TPD52L1: variants seen among roughly 807,000 people sequenced by gnomAD.
TPD52L1 encodes the protein TPD52 like 1, also known as tumor protein D53.
A neutral mutation model predicts 28.7 loss-of-function variants in TPD52L1; 18 were observed. The observed-to-expected ratio is 0.63, with a 90% CI of 0.43 to 0.93. The LOEUF (loss-of-function observed/expected upper bound fraction) is 0.93, where lower values mean the gene tolerates loss of function less well. TPD52L1 is among the 40% of genes least tolerant of loss of function. TPD52L1 has a pLI of 0.00. For synonymous variants in TPD52L1, 75 were observed against 88.8 expected, an observed-to-expected ratio of 0.84 and a Z score of 0.88; for missense variants, 203 against 254.8, an observed-to-expected ratio of 0.80 and a Z score of 1.39.
At chr6:125,172,145 TTTCTTTCTTTCTTTTC>T (rs1391540010) in intron 1 of TPD52L1, among the ~76,000 whole-genome samples, 992 of 78,686 alleles carry the variant, frequency 0.013, 4 homozygotes, top group East Asian at 0.024. Context: ...TCTTTCTTTC[TTTCTTTCTTTCTTTTC>T]TTTCTTTCTT....
At chr6:125,163,267 A>C (rs555863928) in intron 1 of TPD52L1, among the ~76,000 whole-genome samples, 3 of 152,308 alleles carry the variant, frequency 2.0e-5, no homozygotes, top group South Asian at 4.1e-4. Context: ...GTTTTTACAA[A>C]TGTCAAATAC....
chr6:125,188,994 T>C (rs1408648271), intron 1 of TPD52L1, among the ~76,000 whole-genome samples: 1 of 152,234 alleles, frequency 6.6e-6, no homozygotes, highest in Non-Finnish European at 1.5e-5. Flanking sequence ...TAGCTTAAGC[T>C]AGAGGCAAAT....
chr6:125,154,457 A>G, intron 1 of TPD52L1: 1 of 986,356 alleles, frequency 1.0e-6, no homozygotes, highest in Non-Finnish European at 1.2e-6. Context: ...GCTGCGCGAG[A>G]CGCTTCCCGC....
At chr6:125,154,367 A>T in intron 1 of TPD52L1, 1 of 1,019,792 alleles carries the variant, frequency 9.8e-7, no homozygotes, top group Non-Finnish European at 1.2e-6. Context: ...CTTTTCGCCC[A>T]GCGCCGTGGA....
chr6:125,177,642 C>T (rs575866317), intron 1 of TPD52L1, among the ~76,000 whole-genome samples: 2 of 152,234 alleles, frequency 1.3e-5, no homozygotes, highest in South Asian at 4.2e-4. Context: ...AGTTATTCAT[C>T]CATATGTCTT....
chr6:125,253,963 T>G, intron 5 of TPD52L1: 1 of 750,920 alleles, frequency 1.3e-6, no homozygotes, highest in Non-Finnish European at 2.4e-6. Flanking sequence ...CTTTCCTGTG[T>G]GATCCAAGAC....
chr6:125,205,828 G>A (rs1794089408), intron 1 of TPD52L1, among the ~76,000 whole-genome samples: 1 of 152,184 alleles, frequency 6.6e-6, no homozygotes, highest in Non-Finnish European at 1.5e-5. Context: ...GGAAGAATGA[G>A]AAAGGGAAGG....
At chr6:125,211,942 A>G (rs1259111470) in intron 1 of TPD52L1, among the ~76,000 whole-genome samples, 3 of 152,252 alleles carry the variant, frequency 2.0e-5, no homozygotes, top group African/African-American at 7.2e-5. Context: ...AGAAAGTACA[A>G]TTCTAATAAA....
intron 1 of TPD52L1, among the ~76,000 whole-genome samples, chr6:125,205,641 G>T (rs74956947): frequency 1.3e-5 from 2 of 152,302 alleles, no homozygotes; most frequent in Non-Finnish European, 2.9e-5. Flanking sequence ...GCTCCTGGAA[G>T]ATTCTCCACC....
chr6:125,189,596 T>G (rs1265207610), intron 1 of TPD52L1, among the ~76,000 whole-genome samples: 1 of 152,208 alleles, frequency 6.6e-6, no homozygotes, highest in Non-Finnish European at 1.5e-5. Context: ...TTTTTTAACC[T>G]AACTTATTTT....
chr6:125,192,448 T>C (rs530227983), intron 1 of TPD52L1, among the ~76,000 whole-genome samples: 1 of 152,212 alleles, frequency 6.6e-6, no homozygotes, highest in South Asian at 2.1e-4. Context: ...ATTCATACTA[T>C]GTTCTTTTAA....
intron 3 of TPD52L1, among the ~76,000 whole-genome samples, chr6:125,245,989 A>C (rs1162841937): frequency 6.6e-6 from 1 of 152,118 alleles, no homozygotes; most frequent in Non-Finnish European, 1.5e-5. Flanking sequence ...ATTATTATAA[A>C]ATTCAGTTGG....
chr6:125,176,495 C>A (rs954959517), intron 1 of TPD52L1, among the ~76,000 whole-genome samples: 1 of 152,116 alleles, frequency 6.6e-6, no homozygotes, highest in African/African-American at 2.4e-5. Context: ...CAGAGGAAAT[C>A]ACTTTCAGAA....
At chr6:125,212,816 T>G (rs980192829) in intron 1 of TPD52L1, among the ~76,000 whole-genome samples, 2 of 152,246 alleles carry the variant, frequency 1.3e-5, no homozygotes, top group African/African-American at 4.8e-5. Flanking sequence ...TGTTCAGCTC[T>G]GCATGGGAGA....
At chr6:125,206,870 A>AT (rs1794182693) in intron 1 of TPD52L1, among the ~76,000 whole-genome samples, 1 of 152,164 alleles carries the variant, frequency 6.6e-6, no homozygotes, top group South Asian at 2.1e-4. Context: ...GTATGTAGTG[A>AT]TGAAACCCCT....
chr6:125,238,347 T>G (rs1024685514), intron 3 of TPD52L1, among the ~76,000 whole-genome samples: 2 of 152,224 alleles, frequency 1.3e-5, no homozygotes, highest in African/African-American at 4.8e-5. Context: ...AGATAATAAT[T>G]TTTTATCTTT....
intron 2 of TPD52L1, among the ~76,000 whole-genome samples, chr6:125,227,623 C>T (rs764550871): frequency 3.9e-5 from 6 of 152,138 alleles, no homozygotes; most frequent in Non-Finnish European, 7.4e-5. Context: ...GATTCTTTTC[C>T]GGCTTAACAA....
intron 1 of TPD52L1, among the ~76,000 whole-genome samples, chr6:125,159,946 G>T (rs556799018): frequency 6.6e-6 from 1 of 152,058 alleles, no homozygotes; most frequent in African/African-American, 2.4e-5. Context: ...CATAGGTGCC[G>T]GTCTTTCCCA....
chr6:125,238,502 C>A (rs911918832), intron 3 of TPD52L1, among the ~76,000 whole-genome samples: 1 of 151,478 alleles, frequency 6.6e-6, no homozygotes, highest in African/African-American at 2.4e-5. Flanking sequence ...TATCCCTCAC[C>A]CCCCTCGAAC....
Sources: allele counts gnomAD v4.1 joint callset (sites outside exome capture counted in the v4.1 genomes callset), GRCh38; gene constraint gnomAD v4.1.1; transcripts MANE v1.5; gene names NCBI Gene and HGNC (gene_info 2026-07-23, HGNC 2026-07-21).